SHISA9: variants seen among roughly 807,000 people sequenced by gnomAD.
SHISA9 encodes the protein shisa family member 9.
SHISA9 carries 13 observed loss-of-function variants against 38.0 expected under a neutral mutation model. That is an observed-to-expected ratio of 0.34 (90% CI 0.22 to 0.54). SHISA9 has a LOEUF of 0.54. SHISA9 is among the 20% of genes least tolerant of loss of function. The pLI, the probability that SHISA9 is intolerant of heterozygous loss-of-function variation, is 0.91. For missense variants in SHISA9, 538 were observed against 575.8 expected, an observed-to-expected ratio of 0.93 and a Z score of 0.67; for synonymous variants, 275 against 242.0, an observed-to-expected ratio of 1.14 and a Z score of -1.27.
chr16:13,477,370 G>A, the SHISA9 span, among the ~76,000 whole-genome samples: 1 of 152,182 alleles, frequency 6.6e-6, no homozygotes, highest in South Asian at 2.1e-4. Context: ...AAAGGAAAAG[G>A]AAATGGATTT....
At chr16:13,225,822 G>A (rs1025402993) in intron 4 of SHISA9, among the ~76,000 whole-genome samples, 45 of 152,296 alleles carry the variant, frequency 3.0e-4, no homozygotes, top group African/African-American at 1.0e-3. Context: ...TTAAGAGAGA[G>A]ACAGATGGAG....
chr16:13,304,655 C>G, the SHISA9 span, among the ~76,000 whole-genome samples: 1 of 152,130 alleles, frequency 6.6e-6, no homozygotes, highest in Admixed American at 6.5e-5. Context: ...GTTTTGAGGT[C>G]TAAGAGTGTT....
At chr16:13,340,003 G>A in the SHISA9 span, among the ~76,000 whole-genome samples, 1 of 152,158 alleles carries the variant, frequency 6.6e-6, no homozygotes, top group Non-Finnish European at 1.5e-5. Flanking sequence ...CTCATTTGAT[G>A]TGGAGGGCTA....
chr16:13,434,419 G>GTTTATTTTTTTTTT, the SHISA9 span, among the ~76,000 whole-genome samples: 1 of 64,566 alleles, frequency 1.5e-5, no homozygotes, highest in Non-Finnish European at 3.2e-5. Context: ...GACAAGCTAT[G>GTTTATTTTTTTTTT]TTTTTTTTTT....
chr16:13,207,233 C>T (rs1271246148), intron 3 of SHISA9, among the ~76,000 whole-genome samples: 1 of 152,130 alleles, frequency 6.6e-6, no homozygotes, highest in African/African-American at 2.4e-5. Context: ...CACTGCACTC[C>T]AGTATGACAC....
intron 2 of SHISA9, among the ~76,000 whole-genome samples, chr16:13,064,133 G>A (rs1458502773): frequency 6.6e-6 from 1 of 152,108 alleles, no homozygotes; most frequent in Non-Finnish European, 1.5e-5. Flanking sequence ...TTGAACTCCT[G>A]GGCTCAAGTG....
chr16:12,944,379 C>T (rs1235922935), intron 2 of SHISA9, among the ~76,000 whole-genome samples: 2 of 152,244 alleles, frequency 1.3e-5, no homozygotes, highest in Non-Finnish European at 2.9e-5. Flanking sequence ...ATCACCCTCT[C>T]TCAGGTACTT....
the SHISA9 span, among the ~76,000 whole-genome samples, chr16:13,453,011 C>T: frequency 6.6e-6 from 1 of 151,826 alleles, no homozygotes; most frequent in Non-Finnish European, 1.5e-5. Context: ...TTGTTTCAAG[C>T]GATTCTCCTA....
chr16:12,918,626 C>T (rs1043961261), intron 2 of SHISA9, among the ~76,000 whole-genome samples: 5 of 152,266 alleles, frequency 3.3e-5, no homozygotes, highest in South Asian at 2.1e-4. Context: ...AAGTCTCTTG[C>T]GCCAGGCTGC....
intron 2 of SHISA9, among the ~76,000 whole-genome samples, chr16:13,117,559 T>C (rs994770611): frequency 6.6e-6 from 1 of 152,118 alleles, no homozygotes; most frequent in Admixed American, 6.5e-5. Context: ...CTAGCAATTG[T>C]TCTAGAACAG....
At chr16:12,982,369 A>G (rs192460587) in intron 2 of SHISA9, among the ~76,000 whole-genome samples, 8 of 152,350 alleles carry the variant, frequency 5.3e-5, no homozygotes, top group African/African-American at 1.9e-4. Flanking sequence ...GATTTAGAAC[A>G]CTTCCATCAT....
chr16:13,244,303 A>G (rs1306034185), downstream of SHISA9, among the ~76,000 whole-genome samples: 1 of 152,188 alleles, frequency 6.6e-6, no homozygotes, highest in Admixed American at 6.5e-5. Context: ...CTTGAACAAC[A>G]CTGCTTTGAA....
intron 2 of SHISA9, among the ~76,000 whole-genome samples, chr16:12,954,941 C>G (rs1295179610): frequency 1.3e-5 from 2 of 152,066 alleles, no homozygotes; most frequent in African/African-American, 4.8e-5. Context: ...ACTATGCACT[C>G]GGTATGTGAT....
intron 2 of SHISA9, among the ~76,000 whole-genome samples, chr16:13,058,579 G>A (rs2073336734): frequency 6.6e-6 from 1 of 152,212 alleles, no homozygotes; most frequent in African/African-American, 2.4e-5. Context: ...AAGGGGTGGA[G>A]CTCAGAATAA....
chr16:13,516,162 C>G, the SHISA9 span, among the ~76,000 whole-genome samples: 1 of 152,184 alleles, frequency 6.6e-6, no homozygotes, highest in African/African-American at 2.4e-5. Context: ...CCCAGATAAA[C>G]CACAGAGCTA....
intron 2 of SHISA9, among the ~76,000 whole-genome samples, chr16:13,058,826 C>T (rs1383699386): frequency 6.6e-6 from 1 of 151,420 alleles, no homozygotes; most frequent in Non-Finnish European, 1.5e-5. Context: ...AGCTAGGGAT[C>T]CAGGCAGGAC....
chr16:13,459,455 G>A, the SHISA9 span, among the ~76,000 whole-genome samples: 1 of 152,008 alleles, frequency 6.6e-6, no homozygotes. Context: ...ATACAGTACT[G>A]AATAACTTTT....
At chr16:13,163,082 A>G (rs1228764771) in intron 2 of SHISA9, among the ~76,000 whole-genome samples, 1 of 152,204 alleles carries the variant, frequency 6.6e-6, no homozygotes, top group East Asian at 1.9e-4. Flanking sequence ...AAGAACTTGG[A>G]CAAAAACTGA....
chr16:13,282,337 G>C, the SHISA9 span, among the ~76,000 whole-genome samples: 37 of 151,518 alleles, frequency 2.4e-4, no homozygotes, highest in Admixed American at 7.9e-4. Context: ...ATTGTTTCTG[G>C]CCTCCCTTGT....
Sources: allele counts gnomAD v4.1 joint callset (sites outside exome capture counted in the v4.1 genomes callset), GRCh38; gene constraint gnomAD v4.1.1; transcripts MANE v1.5; gene names NCBI Gene and HGNC (gene_info 2026-07-23, HGNC 2026-07-21).